Variants in MBD5 observed in about 807,000 individuals in gnomAD.
The protein encoded by MBD5 is methyl-CpG binding domain protein 5, also known as methyl-CpG-binding domain protein 5.
MBD5 carries 13 observed loss-of-function variants against 117.3 expected under a neutral mutation model. That is an observed-to-expected ratio of 0.11 (90% confidence interval 0.07 to 0.18). The LOEUF (loss-of-function observed/expected upper bound fraction) is 0.18, where lower values mean the gene tolerates loss of function less well. MBD5 is among the 10% of genes least tolerant of loss of function. The pLI, the probability that MBD5 is intolerant of heterozygous loss-of-function variation, is 1.00. For synonymous variants in MBD5, 727 were observed against 766.4 expected (o/e 0.95, Z 0.85); for missense variants, 1,879 against 2,093.8 (o/e 0.90, Z 2.00).
intron 3 of MBD5, among the ~76,000 whole-genome samples, chr2:148,298,601 A>G (rs1238914934): frequency 6.6e-6 from 1 of 152,232 alleles, no homozygotes; most frequent in Non-Finnish European, 1.5e-5. Context: ...CTCCTCATCC[A>G]TTCCAGAAGT....
chr2:148,224,847 A>G (rs1462645150), intron 2 of MBD5, among the ~76,000 whole-genome samples: 1 of 152,050 alleles, frequency 6.6e-6, no homozygotes, highest in African/African-American at 2.4e-5. Flanking sequence ...GTTTTTGACT[A>G]TAAATCTATT....
At chr2:148,289,327 G>A (rs569048082) in intron 3 of MBD5, among the ~76,000 whole-genome samples, 3 of 152,124 alleles carry the variant, frequency 2.0e-5, no homozygotes, top group African/African-American at 7.2e-5. Flanking sequence ...TTCAATATAG[G>A]TTATGAGTGG....
chr2:148,139,769 C>G (rs948881816), intron 1 of MBD5, among the ~76,000 whole-genome samples: 2 of 152,070 alleles, frequency 1.3e-5, no homozygotes, highest in African/African-American at 4.8e-5. Context: ...ATATGTTCAC[C>G]AGATGTACAC....
chr2:148,061,213 G>A (rs574120070), intron 1 of MBD5, among the ~76,000 whole-genome samples: 9 of 151,962 alleles, frequency 5.9e-5, no homozygotes, highest in African/African-American at 2.2e-4. Context: ...TTTGCTGTTC[G>A]TGATGTTAAG....
At chr2:148,065,479 A>C (rs1358179639) in intron 1 of MBD5, among the ~76,000 whole-genome samples, 1 of 152,166 alleles carries the variant, frequency 6.6e-6, no homozygotes, top group African/African-American at 2.4e-5. Context: ...GTGTGGCGGA[A>C]ACCAGACTAT....
In MBD5 at chr2:148,251,832, G is replaced by A. The variant is rs137866997; in HGVS notation, c.-680+18437G>A. 2.6e-3 allele frequency among the ~76,000 whole-genome samples: 390 copies of A among 152,324 alleles called. 3 individuals carry two copies. Among genetic ancestry groups the A allele is most frequent in the Middle Eastern group, 0.024 (7 of 294 alleles). On this transcript the variant is annotated intron_variant, in intron 3 of 13. Coordinates refer to ENST00000642680, the MANE Select transcript of MBD5 (RefSeq NM_001378120.1). ...TGCCCAAAAAGACAGGTCATTTTGA[G>A]AGGGAAAGAAGTAATCTTTGCAATT... is the stretch of plus-strand genomic sequence containing the variant.
At chr2:148,386,360 A>G (rs192729907) in intron 4 of MBD5, among the ~76,000 whole-genome samples, 17 of 152,330 alleles carry the variant, frequency 1.1e-4, no homozygotes, top group Non-Finnish European at 1.9e-4. Context: ...AAAAACAGAG[A>G]TAAGTGATAT....
intron 1 of MBD5, among the ~76,000 whole-genome samples, chr2:148,122,948 G>A (rs1471847954): frequency 2.0e-5 from 3 of 152,064 alleles, no homozygotes; most frequent in Non-Finnish European, 2.9e-5. Context: ...CATATATGAG[G>A]CCAAATGACT....
rs570218743 is a variant in MBD5, at chr2:148,120,215, A to G, written c.-924-58485A>G. Among the ~76,000 whole-genome samples the G allele has an allele frequency of 3.3e-5, 5 of 152,274 alleles. No homozygotes were observed. The South Asian group carries it at 1.0e-3, about 32-fold the overall frequency. On this transcript the variant is annotated intron_variant, in intron 1 of 13. Coordinates refer to ENST00000642680, the MANE Select transcript of MBD5 (RefSeq NM_001378120.1). ...AGTACTCCGCACCTGGAGTGTATAC[A>G]TTTTGAATTGTAAAGTGTGAGTTTT...
chr2:148,177,057 C>A (rs988743658), intron 1 of MBD5, among the ~76,000 whole-genome samples: 2 of 152,100 alleles, frequency 1.3e-5, no homozygotes, highest in Admixed American at 6.5e-5. Context: ...AAGATATAAT[C>A]CATAAACATG....
intron 11 of MBD5, among the ~76,000 whole-genome samples, chr2:148,491,602 A>G (rs1448309699): frequency 1.3e-5 from 2 of 152,062 alleles, no homozygotes; most frequent in African/African-American, 2.4e-5. Context: ...CCAGCACAAT[A>G]AAGGGATTGT....
intron 4 of MBD5, among the ~76,000 whole-genome samples, chr2:148,343,016 G>C (rs1210501059): frequency 6.6e-6 from 1 of 151,986 alleles, no homozygotes; most frequent in African/African-American, 2.4e-5. Context: ...TTATGTGTGA[G>C]AACATGCGAT....
chr2:148,443,429 T>C (rs1472185302), intron 4 of MBD5, among the ~76,000 whole-genome samples: 1 of 151,130 alleles, frequency 6.6e-6, no homozygotes, highest in Non-Finnish European at 1.5e-5. Context: ...GTATCAGATA[T>C]CTGCACTCTC....
chr2:148,441,262 G>A (rs34937608), intron 4 of MBD5, among the ~76,000 whole-genome samples: 38,737 of 151,672 alleles, frequency 0.26, 5,466 homozygotes, highest in East Asian at 0.41. Flanking sequence ...CCCTACCCCC[G>A]ACACCACCAC....
chr2:148,223,396 T>G lies in MBD5; in HGVS notation c.-830-9849T>G, dbSNP rs146896880. On this transcript the variant is annotated intron_variant, in intron 2 of 13. Transcript: ENST00000642680. ...CAGTGAAGCCATCAGTTTCTGGGCT[T>G]TTCTTTCCTGGGAGACTTTATTACA... 3.9e-5 allele frequency among the ~76,000 whole-genome samples: 6 copies of G among 152,282 alleles called. No individual in the cohort carries two copies. The East Asian group carries it at 1.2e-3, about 29-fold the overall frequency.
At chr2:148,431,225 A>G (rs1158899373) in intron 4 of MBD5, among the ~76,000 whole-genome samples, 1 of 152,136 alleles carries the variant, frequency 6.6e-6, no homozygotes, top group Non-Finnish European at 1.5e-5. Context: ...TATTTTTCAT[A>G]GAAACATTCA....
intron 1 of MBD5, among the ~76,000 whole-genome samples, chr2:148,033,040 G>A (rs1435888278): frequency 1.3e-5 from 2 of 152,082 alleles, no homozygotes; most frequent in African/African-American, 4.8e-5. Flanking sequence ...ACAAATGATG[G>A]TGAGGGACAC....
Position 148,513,883 on chromosome 2 carries a change from A to G in MBD5, c.*942A>G, listed in dbSNP as rs1682285744. On this transcript the variant is annotated 3_prime_UTR_variant, in exon 14 of 14. Coordinates refer to ENST00000642680, the MANE Select transcript of MBD5 (RefSeq NM_001378120.1). ...GCTCAGAATTGAGGGTTTTTTTGCA[A>G]ATGATATCTGACAAGGTAAAACTTT... The G allele has an allele frequency of 6.6e-6, 1 of 152,190 alleles. No homozygotes were observed. The highest frequency in any genetic ancestry group is 2.1e-4 in the South Asian group (1 of 4,832). 9.4% of individuals were successfully genotyped at this position (152,190 alleles called of 1,614,324 possible).
At chr2:148,178,006 A>G (rs1469793585) in intron 1 of MBD5, among the ~76,000 whole-genome samples, 1 of 152,212 alleles carries the variant, frequency 6.6e-6, no homozygotes, top group East Asian at 1.9e-4. Flanking sequence ...AAACAAAAAC[A>G]AAAAGTACAT....
Sources: allele counts gnomAD v4.1 joint callset (sites outside exome capture counted in the v4.1 genomes callset), GRCh38; gene constraint gnomAD v4.1.1; transcripts MANE v1.5; gene names NCBI Gene and HGNC (gene_info 2026-07-23, HGNC 2026-07-21).